BRWD3: variants seen among roughly 807,000 people sequenced by gnomAD.
BRWD3 encodes bromodomain and WD repeat-containing protein 3.
In BRWD3, 10 loss-of-function variants were observed where a neutral mutation model predicts 149.7. That is an observed-to-expected ratio of 0.07 (90% CI 0.04 to 0.11). The LOEUF is 0.11. BRWD3 is among the 10% of genes least tolerant of loss of function. The pLI, the probability that BRWD3 is intolerant of heterozygous loss-of-function variation, is 1.00. For missense variants in BRWD3, 940 were observed against 1,373.2 expected, an observed-to-expected ratio of 0.68 and a Z score of 4.99; for synonymous variants, 504 against 456.7, an observed-to-expected ratio of 1.10 and a Z score of -1.32.
chrX:80,774,091 T>C (rs1262624684), intron 6 of BRWD3, among the ~76,000 whole-genome samples: 3 of 111,287 alleles, frequency 2.7e-5, no homozygotes, highest in Non-Finnish European at 5.7e-5. Flanking sequence ...GTAAGTTCTA[T>C]AGGAAATGTT....
chrX:80,785,875 A>G (rs1173612423), intron 6 of BRWD3, among the ~76,000 whole-genome samples: 1 of 111,625 alleles, frequency 9.0e-6, no homozygotes, highest in African/African-American at 3.3e-5. Context: ...TAAAAACACA[A>G]AAAAGTTAGC....
Position 80,676,872 on chromosome X carries a change from C to T in BRWD3, c.5146G>A (p.Ala1716Thr). Residue 1716 changes from alanine (A) to threonine (T), a missense_variant, in exon 41 of 41, where the codon GCT (alanine) becomes ACT (threonine). This residue lies in a region of BRWD3 where 349 missense variants were observed against 419.6 expected (regional missense o/e 0.83). Coordinates refer to ENST00000373275, the MANE Select transcript of BRWD3 (RefSeq NM_153252.5). ...GRGRGRGGRG[A>T]SRGATRAKRA... ...TTGGCTCTGGTAGCTCCTCTAGAAG[C>T]ACCTCTTCCTCCTCTCCCTCTTCCC... 8.3e-7 allele frequency: 1 copy of T among 1,210,286 alleles called. No homozygotes were observed. Among genetic ancestry groups the T allele is most frequent in the Non-Finnish European group, 1.1e-6 (1 of 894,727 alleles).
chrX:80,676,466 C>G lies in BRWD3; in HGVS notation c.*143G>C. The G allele has an allele frequency of 2.6e-6, 2 of 757,784 alleles. No homozygotes were observed. Among genetic ancestry groups the G allele is most frequent in the Non-Finnish European group, 3.8e-6 (2 of 524,185 alleles). 62.4% of individuals were successfully genotyped at this position (757,784 alleles called of 1,213,427 possible). A position where few individuals can be genotyped will look rare whatever the true frequency, so the allele number is the denominator to read the frequency against. On this transcript the variant is annotated 3_prime_UTR_variant, in exon 41 of 41. Coordinates refer to ENST00000373275, the MANE Select transcript of BRWD3 (RefSeq NM_153252.5). ...AGTGTGGAGATCAAAAGTCTTGAAA[C>G]AAATGTATACTGGCATAAATGGAAA...
chrX:80,745,485 A>C, intron 7 of BRWD3, 84 bp downstream of exon 7: 2 of 956,964 alleles, frequency 2.1e-6, no homozygotes, highest in Non-Finnish European at 2.9e-6. Flanking sequence ...TGAACTGCTT[A>C]CAAAGCACAA....
At chrX:80,697,164 C>T (rs1257270593) in intron 25 of BRWD3, among the ~76,000 whole-genome samples, 1 of 110,798 alleles carries the variant, frequency 9.0e-6, no homozygotes, top group Non-Finnish European at 1.9e-5. Context: ...GGTAATATAT[C>T]TATTTTGGAA....
In BRWD3 at chrX:80,788,490, T is replaced by G. The variant is rs766854351; in HGVS notation, c.430+3364A>C. Among the ~76,000 whole-genome samples the G allele has an allele frequency of 2.7e-5, 3 of 111,579 alleles. No individual in the cohort carries two copies. The South Asian group carries it at 1.1e-3, about 42-fold the overall frequency. ...GATACCAACCGACAGTATCAGAAGA[T>G]GGTGAGAATGTGGGACAACTAGAAA... On this transcript the variant is annotated intron_variant, in intron 6 of 40. Coordinates refer to ENST00000373275, the MANE Select transcript of BRWD3 (RefSeq NM_153252.5).
intron 20 of BRWD3, chrX:80,709,879 G>C (rs1283682022): frequency 5.1e-6 from 3 of 590,907 alleles, no homozygotes; most frequent in African/African-American, 2.3e-5. Context: ...GCAACTTCTT[G>C]ATCCTCAGTT....
In BRWD3 at chrX:80,684,073, A is replaced by G. The variant is rs1359344721; in HGVS notation, c.4170T>C (p.Phe1390=). The change falls in exon 37 of 41, where the codon TTT becomes TTC. Residue 1390 remains phenylalanine, a synonymous_variant. Coordinates refer to ENST00000373275, the MANE Select transcript of BRWD3 (RefSeq NM_153252.5). ...EAGNYGSPLE[F]YKDVRQIFNN... The stretch of plus-strand genomic sequence containing the variant: ...TGAATATTTGGCGAACATCCTTATA[A>G]AATTCCAGAGGACTACCATAGTTTC... 8.3e-7 allele frequency: 1 copy of G among 1,207,774 alleles called. No individual in the cohort carries two copies. The highest frequency in any genetic ancestry group is 1.1e-6 in the Non-Finnish European group (1 of 892,225).
At chrX:80,691,290 C>G in intron 30 of BRWD3, 117 bp from the exon 31 acceptor site, 1 of 760,781 alleles carries the variant, frequency 1.3e-6, no homozygotes, top group Non-Finnish European at 1.9e-6. Flanking sequence ...TTTCTAAAAC[C>G]ATGAGGATTC....
rs751581469 is a variant in BRWD3, at chrX:80,791,915, C to T, written c.369G>A (p.Ala123=). ...CTGGAGGTCTGCCTCTATGCAGAGC[C>T]GCAAAAGCAGACCCATTCCATAGTG... ...KSTLWNGSAF[A]ALHRGRPPEL... The change falls in exon 6 of 41, where the codon GCG becomes GCA. Residue 123 remains alanine, a synonymous_variant. Transcript: ENST00000373275. 7.5e-6 allele frequency: 9 copies of T among 1,205,059 alleles called. No individual in the cohort carries two copies. The highest frequency in any genetic ancestry group is 2.2e-5 in the Admixed American group (1 of 45,566).
intron 34 of BRWD3, among the ~76,000 whole-genome samples, chrX:80,687,803 T>A (rs893821879): frequency 1.8e-5 from 2 of 109,563 alleles, no homozygotes; most frequent in Non-Finnish European, 3.8e-5. Flanking sequence ...AAGAGTGTAA[T>A]ATGTGACCCC....
chrX:80,747,356 C>T (rs1381643891), intron 6 of BRWD3, among the ~76,000 whole-genome samples: 1 of 109,509 alleles, frequency 9.1e-6, no homozygotes, highest in Non-Finnish European at 1.9e-5. Context: ...CATCCCTCAC[C>T]TGTCCCCACT....
At chrX:80,803,728 T>C (rs979835709) in intron 4 of BRWD3, among the ~76,000 whole-genome samples, 9 of 112,505 alleles carry the variant, frequency 8.0e-5, no homozygotes, top group African/African-American at 2.3e-4. Context: ...ACTATGGCTA[T>C]GTCCACATGG....
intron 4 of BRWD3, among the ~76,000 whole-genome samples, chrX:80,799,092 T>C (rs1435641626): frequency 8.9e-6 from 1 of 112,214 alleles, no homozygotes; most frequent in East Asian, 2.8e-4. Context: ...CTGAAAGACA[T>C]TAAATTAACC....
In BRWD3 at chrX:80,700,082, A is replaced by T. The variant is rs370940321; in HGVS notation, c.2836-18T>A. The stretch of plus-strand genomic sequence containing the variant: ...TAGATAAGCTAAAACAGAAAACATA[A>T]GGTATTAAACAGCAGCATCCTATAT... On this transcript the variant is annotated intron_variant, in intron 24 of 40. Coordinates refer to ENST00000373275, the MANE Select transcript of BRWD3 (RefSeq NM_153252.5). 5 of 1,146,448 alleles carry T rather than the reference A, an allele frequency of 4.4e-6. No individual in the cohort carries two copies. The African/African-American group carries it at 8.9e-5, about 20-fold the overall frequency. 94.5% of individuals were successfully genotyped at this position (1,146,448 alleles called of 1,213,427 possible). A position where few individuals can be genotyped will look rare whatever the true frequency, so the allele number is the denominator to read the frequency against.
chrX:80,743,959 C>A, intron 8 of BRWD3, 73 bp downstream of exon 8: 2 of 900,708 alleles, frequency 2.2e-6, no homozygotes, highest in South Asian at 2.1e-5. Context: ...ATTATCTATA[C>A]AATGTAACAT....
At chrX:80,686,213 A>G (rs62605569) in intron 35 of BRWD3, among the ~76,000 whole-genome samples, 17,894 of 100,438 alleles carry the variant, frequency 0.18, 1,503 homozygotes, top group South Asian at 0.43. Context: ...GGAATTGAAC[A>G]ATGAGAACAC....
At position 80,739,167 on chromosome X, in the gene BRWD3, C is replaced by A. The variant is rs142417044; in HGVS notation, c.814-3079G>T. ...CAATAACAGAGGTCATGAGAATTTG[C>A]CAGATTCTAGATACACTTTGATGGT... On this transcript the variant is annotated intron_variant, in intron 8 of 40. Transcript: ENST00000373275. Among the ~76,000 whole-genome samples the A allele has an allele frequency of 7.7e-3, 856 of 111,270 alleles. 3 individuals are homozygous for A. The highest frequency in any genetic ancestry group is 0.012 in the Non-Finnish European group (634 of 53,024).
intron 37 of BRWD3, among the ~76,000 whole-genome samples, chrX:80,683,436 T>G (rs974864246): frequency 1.8e-5 from 2 of 111,470 alleles, no homozygotes; most frequent in Non-Finnish European, 3.8e-5. Context: ...GTAAACAAAT[T>G]ATGTTTGCAG....
Sources: allele counts gnomAD v4.1 joint callset (sites outside exome capture counted in the v4.1 genomes callset), GRCh38; gene constraint gnomAD v4.1.1; regional missense constraint gnomAD v4.1.1; transcripts MANE v1.5; gene names NCBI Gene and HGNC (gene_info 2026-07-23, HGNC 2026-07-21).